The following ADCY3 variants were observed in gnomAD, a reference collection of about 807,000 sequenced individuals.
ADCY3 encodes the protein adenylate cyclase type 3.
ADCY3 carries 70 observed loss-of-function variants against 119.4 expected under a neutral mutation model. The observed-to-expected ratio is 0.59, with a 90% CI of 0.48 to 0.72. The LOEUF (loss-of-function observed/expected upper bound fraction) is 0.72. Ranked by LOEUF, ADCY3 falls within the 30% of genes least tolerant of loss-of-function variation. ADCY3 has a pLI of 0.00. For missense variants in ADCY3, 1,238 were observed against 1,541.6 expected (o/e 0.80, Z 3.30); for synonymous variants, 672 against 621.4 (o/e 1.08, Z -1.21).
intron 2 of ADCY3, among the ~76,000 whole-genome samples, chr2:24,879,883 T>C (rs1440985807): frequency 6.6e-6 from 1 of 152,182 alleles, no homozygotes; most frequent in Non-Finnish European, 1.5e-5. Context: ...AGTTAGGACC[T>C]GGAACATCTG....
intron 2 of ADCY3, among the ~76,000 whole-genome samples, chr2:24,876,819 G>A (rs925752785): frequency 6.6e-6 from 1 of 152,200 alleles, no homozygotes; most frequent in African/African-American, 2.4e-5. Context: ...TCTGAAATAG[G>A]TCTTTCACGT....
chr2:24,859,693 G>A (rs1673407433), intron 3 of ADCY3, among the ~76,000 whole-genome samples: 1 of 152,190 alleles, frequency 6.6e-6, no homozygotes, highest in Non-Finnish European at 1.5e-5. Flanking sequence ...TGTGGTCAAT[G>A]GGCGGTTCTT....
intron 7 of ADCY3, chr2:24,839,009 CT>C: frequency 2.5e-6 from 2 of 811,114 alleles, no homozygotes; most frequent in Non-Finnish European, 3.5e-6. Flanking sequence ...GTGGCTTGAT[CT>C]TGGCTCAGTG....
intron 20 of ADCY3, 139 bp downstream of exon 20, chr2:24,821,378 C>T: frequency 7.8e-7 from 1 of 1,281,160 alleles, no homozygotes; most frequent in South Asian, 1.4e-5. Flanking sequence ...TCTTTCAGGT[C>T]TCCTTGCCCT....
chr2:24,830,599 G>T, intron 13 of ADCY3, 110 bp downstream of exon 13: 1 of 786,248 alleles, frequency 1.3e-6, no homozygotes, highest in Non-Finnish European at 2.1e-6. Flanking sequence ...CCACTCCAAA[G>T]CTACATGACG....
intron 3 of ADCY3, among the ~76,000 whole-genome samples, chr2:24,866,841 G>A (rs1338429461): frequency 6.6e-6 from 1 of 152,088 alleles, no homozygotes; most frequent in Non-Finnish European, 1.5e-5. Context: ...CAAACCAGAG[G>A]AAGACAGGAT....
At chr2:24,900,358 AT>A (rs1234402286) in intron 2 of ADCY3, among the ~76,000 whole-genome samples, 9 of 147,008 alleles carry the variant, frequency 6.1e-5, no homozygotes, top group Admixed American at 2.7e-4. Flanking sequence ...AAAAAAAAAA[AT>A]AAATAAAAAA....
chr2:24,851,390 A>G (rs1672274616), intron 3 of ADCY3, among the ~76,000 whole-genome samples: 1 of 152,250 alleles, frequency 6.6e-6, no homozygotes, highest in Admixed American at 6.5e-5. Flanking sequence ...CCACCCAGTC[A>G]AAATCATCCC....
At chr2:24,906,049 G>T (rs2149023225) in intron 2 of ADCY3, among the ~76,000 whole-genome samples, 1 of 152,326 alleles carries the variant, frequency 6.6e-6, no homozygotes, top group Middle Eastern at 3.4e-3. Flanking sequence ...AATGCCACCT[G>T]TAATCCCAGC....
intron 8 of ADCY3, 139 bp downstream of exon 8, chr2:24,838,306 G>T: frequency 1.2e-6 from 1 of 851,720 alleles, no homozygotes; most frequent in Non-Finnish European, 1.8e-6. Context: ...AAGGGTGCCA[G>T]CCTGCCACTC....
intron 13 of ADCY3, 35 bp downstream of exon 13, chr2:24,830,674 G>A (rs1281120422): frequency 1.3e-6 from 2 of 1,547,590 alleles, no homozygotes; most frequent in African/African-American, 1.4e-5. Context: ...ACTGAGAACA[G>A]GGGCGTCCCT....
intron 2 of ADCY3, among the ~76,000 whole-genome samples, chr2:24,874,519 C>G (rs1308435335): frequency 6.6e-6 from 1 of 152,252 alleles, no homozygotes; most frequent in Non-Finnish European, 1.5e-5. Context: ...GGCTCCGGGA[C>G]TGGAGCCAGC....
Position 24,918,551 on chromosome 2 carries a change from A to G in ADCY3, c.437T>C (p.Leu146Pro). 6.2e-7 allele frequency: 1 copy of G among 1,614,062 alleles called. No individual in the cohort carries two copies. The highest frequency in any genetic ancestry group is 8.5e-7 in the Non-Finnish European group (1 of 1,180,008). Residue 146 changes from leucine (L) to proline (P), a missense_variant, in exon 2 of 22, where the codon CTC becomes CCC. Transcript: ENST00000679454. The surrounding 1 kb of genome is among the most constrained non-coding windows in gnomAD (Gnocchi z 5.4). ...GTAGGAGAAGATCTGGGCGGTTATGAGCAGCCACAGCACGTAGGGCAGCAC... is the reference window on the plus strand; with the variant it reads ...GTAGGAGAAGATCTGGGCGGTTATGGGCAGCCACAGCACGTAGGGCAGCAC... ...RRVLPYVLWLLITAQIFSYLG... is the reference protein window; with the variant it reads ...RRVLPYVLWLPITAQIFSYLG...
At chr2:24,824,095 A>G (rs1668238206) in intron 17 of ADCY3, among the ~76,000 whole-genome samples, 1 of 152,246 alleles carries the variant, frequency 6.6e-6, no homozygotes, top group South Asian at 2.1e-4. Flanking sequence ...CTGTTTGGAG[A>G]AGTTCACAGG....
chr2:24,879,452 CAAAAAAAAAAAAAA>C (rs34029858), intron 2 of ADCY3, among the ~76,000 whole-genome samples: 1 of 66,088 alleles, frequency 1.5e-5, no homozygotes, highest in African/African-American at 5.8e-5. Flanking sequence ...GACTCTGTCT[CAAAAAAAAAAAAAA>C]AAAAAAAAAA....
chr2:24,867,917 T>G (rs1174619794), intron 3 of ADCY3, among the ~76,000 whole-genome samples: 2 of 152,180 alleles, frequency 1.3e-5, no homozygotes, highest in Non-Finnish European at 2.9e-5. Flanking sequence ...GAAATGAAGT[T>G]AAAAGGTTGT....
chr2:24,867,039 C>T (rs1039383554), intron 3 of ADCY3, among the ~76,000 whole-genome samples: 7 of 152,140 alleles, frequency 4.6e-5, no homozygotes, highest in South Asian at 4.1e-4. Flanking sequence ...TCAAAACTGA[C>T]GAGAGATGTC....
chr2:24,854,419 C>A (rs927382036), intron 3 of ADCY3, among the ~76,000 whole-genome samples: 1 of 152,214 alleles, frequency 6.6e-6, no homozygotes, highest in African/African-American at 2.4e-5. Context: ...GCAGGTACTT[C>A]ACCCCGGGGG....
intron 3 of ADCY3, among the ~76,000 whole-genome samples, chr2:24,863,404 T>C (rs1031139535): frequency 1.3e-5 from 2 of 152,222 alleles, no homozygotes; most frequent in East Asian, 1.9e-4. Context: ...TTCTTCAGTG[T>C]TGGAACTCGG....
Sources: allele counts gnomAD v4.1 joint callset (sites outside exome capture counted in the v4.1 genomes callset), GRCh38; gene constraint gnomAD v4.1.1; non-coding constraint Gnocchi (gnomAD v3.1); transcripts MANE v1.5; gene names NCBI Gene and HGNC (gene_info 2026-07-23, HGNC 2026-07-21).